Variants in OSTC observed in about 807,000 individuals in gnomAD.
OSTC encodes oligosaccharyltransferase complex non-catalytic subunit, also known as oligosaccharyltransferase complex subunit OSTC.
In OSTC, 16 loss-of-function variants were observed where a neutral mutation model predicts 16.4. That is an observed-to-expected ratio of 0.98 (90% CI 0.66 to 1.49). The LOEUF is 1.49. Ranked by LOEUF, OSTC falls within the 40% of genes most tolerant of loss-of-function variation. OSTC has a pLI of 0.00. For synonymous variants in OSTC, 67 were observed against 68.5 expected, an observed-to-expected ratio of 0.98 and a Z score of 0.11; for missense variants, 139 against 186.3, an observed-to-expected ratio of 0.75 and a Z score of 1.48.
intron 1 of OSTC, among the ~76,000 whole-genome samples, chr4:108,654,354 G>A (rs1726640704): frequency 6.6e-6 from 1 of 152,214 alleles, no homozygotes; most frequent in Admixed American, 6.5e-5. Flanking sequence ...TAGCTAAGAG[G>A]ATCTGAAGTC....
chr4:108,664,063 T>C (rs2851376), intron 3 of OSTC, among the ~76,000 whole-genome samples: 122,957 of 152,156 alleles, frequency 0.81, 49,990 homozygotes, highest in East Asian at 1. Context: ...TTATTTCTTA[T>C]CAAGAAGTAT....
chr4:108,662,395 C>T (rs1388742869), intron 3 of OSTC, among the ~76,000 whole-genome samples: 2 of 152,328 alleles, frequency 1.3e-5, no homozygotes, highest in Admixed American at 1.3e-4. Flanking sequence ...TACACGTTAA[C>T]ACTCATATTT....
chr4:108,663,002 T>G (rs1721808489), intron 3 of OSTC, among the ~76,000 whole-genome samples: 2 of 152,220 alleles, frequency 1.3e-5, no homozygotes, highest in African/African-American at 2.4e-5. Flanking sequence ...TGAACTCTCT[T>G]GGCCTCAGGT....
At chr4:108,659,287 C>T (rs1261847175) in intron 3 of OSTC, among the ~76,000 whole-genome samples, 1 of 151,876 alleles carries the variant, frequency 6.6e-6, no homozygotes, top group African/African-American at 2.4e-5. Flanking sequence ...GCCAGCAGCT[C>T]TTATTTTCAT....
At chr4:108,664,337 A>G (rs1726938937) in intron 3 of OSTC, among the ~76,000 whole-genome samples, 1 of 152,198 alleles carries the variant, frequency 6.6e-6, no homozygotes, top group South Asian at 2.1e-4. Context: ...ATATAGGTAT[A>G]TGCAAATTAC....
chr4:108,654,792 T>C (rs544642726), intron 1 of OSTC, among the ~76,000 whole-genome samples: 1 of 152,370 alleles, frequency 6.6e-6, no homozygotes, highest in South Asian at 2.1e-4. Flanking sequence ...TGGACATTAA[T>C]GTTAATGATT....
intron 1 of OSTC, among the ~76,000 whole-genome samples, chr4:108,653,813 G>A (rs41530745): frequency 0.018 from 2,683 of 152,242 alleles, 76 homozygotes; most frequent in African/African-American, 0.061. Flanking sequence ...GAAGAGTATA[G>A]GCAAAGTCCA....
intron 1 of OSTC, chr4:108,651,394 G>T (rs1726538881): frequency 6.6e-6 from 1 of 152,636 alleles, no homozygotes; most frequent in Non-Finnish European, 1.5e-5. Flanking sequence ...TTTGAGATTG[G>T]AGATGAGATT....
intron 3 of OSTC, among the ~76,000 whole-genome samples, chr4:108,661,278 A>G (rs1051973440): frequency 2.0e-5 from 3 of 152,048 alleles, no homozygotes; most frequent in Admixed American, 6.6e-5. Context: ...ACATAGCAGT[A>G]CATTTAAAAG....
intron 3 of OSTC, among the ~76,000 whole-genome samples, chr4:108,666,749 T>A (rs1285480501): frequency 6.7e-6 from 1 of 148,232 alleles, no homozygotes; most frequent in African/African-American, 2.5e-5. Context: ...TTCACGCGTG[T>A]AATCCCAGCA....
chr4:108,659,960 C>G (rs1336521438), intron 3 of OSTC, among the ~76,000 whole-genome samples: 1 of 152,154 alleles, frequency 6.6e-6, no homozygotes, highest in Middle Eastern at 3.2e-3. Flanking sequence ...AGGAATGAGT[C>G]TATTAAGAAA....
At chr4:108,654,752 A>G (rs1187392555) in intron 1 of OSTC, among the ~76,000 whole-genome samples, 2 of 152,248 alleles carry the variant, frequency 1.3e-5, no homozygotes, top group African/African-American at 4.8e-5. Flanking sequence ...CATTAATGTT[A>G]ATGATCACGA....
At chr4:108,655,702 T>G in intron 2 of OSTC, 45 bp downstream of exon 2, 1 of 1,327,388 alleles carries the variant, frequency 7.5e-7, no homozygotes. Context: ...GAAAGAAGGT[T>G]GCTGTGGTAT....
chr4:108,657,747 A>C, intron 3 of OSTC, 100 bp downstream of exon 3: 1 of 1,103,098 alleles, frequency 9.1e-7, no homozygotes, highest in Non-Finnish European at 1.3e-6. Flanking sequence ...TTTCATTTAC[A>C]TGGGTGAAAA....
chr4:108,652,987 C>T (rs558330776), intron 1 of OSTC, among the ~76,000 whole-genome samples: 4 of 152,074 alleles, frequency 2.6e-5, no homozygotes, highest in African/African-American at 7.2e-5. Context: ...TGCAGTGAGC[C>T]GAGATGGTGC....
intron 3 of OSTC, 74 bp from the exon 4 acceptor site, chr4:108,667,173 T>G (rs757541856): frequency 2.2e-5 from 28 of 1,282,444 alleles, no homozygotes; most frequent in Non-Finnish European, 3.0e-5. Flanking sequence ...TTTGGCATTT[T>G]GAAATACTAT....
Position 108,650,716 on chromosome 4 carries a change from A to G in OSTC, c.61A>G (p.Lys21Glu). The G allele has an allele frequency of 1.9e-6, 3 of 1,614,222 alleles. No homozygotes were observed. The South Asian group carries it at 3.3e-5, about 18-fold the overall frequency. ...VLECPNLKLK[K>E]PPWLHMPSAM... ...CGAATGTCCCAACCTGAAGCTGAAG[A>G]AGCCGCCCTGGTTGCACATGCCGTC... The change falls in exon 1 of 4, where the codon AAG (lysine) becomes GAG (glutamate). Residue 21 changes from lysine to glutamate, a missense_variant. Coordinates refer to ENST00000361564, the MANE Select transcript of OSTC (RefSeq NM_021227.4).
Position 108,665,716 on chromosome 4 carries a change from C to A in OSTC, c.432-1531C>A, listed in dbSNP as rs368057204. On this transcript the variant is annotated intron_variant, in intron 3 of 3. Coordinates refer to ENST00000361564, the MANE Select transcript of OSTC (RefSeq NM_021227.4). ...CTGAGATTACAGGCGTCTGTCACCA[C>A]GCCCAGCTAATTTTTGTAGTTTTAG... Among the ~76,000 whole-genome samples the A allele has an allele frequency of 9.2e-5, 14 of 151,980 alleles. No homozygotes were observed. In the East Asian group the frequency reaches 2.7e-3, roughly 30 times the overall value.
At chr4:108,658,140 C>T (rs1458097980) in intron 3 of OSTC, among the ~76,000 whole-genome samples, 1 of 151,892 alleles carries the variant, frequency 6.6e-6, no homozygotes, top group Non-Finnish European at 1.5e-5. Flanking sequence ...CAATGTTGAC[C>T]AGGCTGATCT....
Sources: gnomAD v4.1 joint callset for allele counts (sites outside exome capture counted in the v4.1 genomes callset) on GRCh38, gnomAD v4.1.1 for gene constraint, MANE v1.5 for transcripts, NCBI Gene and HGNC (gene_info 2026-07-23, HGNC 2026-07-21) for gene names.